Variants in ANKRD55 observed in about 807,000 individuals in gnomAD.
ANKRD55 encodes the protein ankyrin repeat domain 55.
ANKRD55 carries 41 observed loss-of-function variants against 60.6 expected under a neutral mutation model. The ratio of observed to expected loss-of-function variants is 0.68; its 90% CI spans 0.53 to 0.88. The LOEUF (loss-of-function observed/expected upper bound fraction) is 0.88. Ranked by LOEUF, ANKRD55 falls within the 40% of genes least tolerant of loss-of-function variation. The pLI is 0.00. For missense variants in ANKRD55, 732 were observed against 767.6 expected (o/e 0.95, Z 0.55); for synonymous variants, 264 against 290.3 (o/e 0.91, Z 0.92).
At chr5:56,231,639 C>A (rs1760254828) in intron 2 of ANKRD55, among the ~76,000 whole-genome samples, 1 of 149,272 alleles carries the variant, frequency 6.7e-6, no homozygotes, top group African/African-American at 2.5e-5. Context: ...TGAGCCGGCA[C>A]GTTCTGAAGG....
chr5:56,215,081 A>G (rs1450521146), intron 2 of ANKRD55, among the ~76,000 whole-genome samples: 7 of 152,070 alleles, frequency 4.6e-5, no homozygotes, highest in Non-Finnish European at 8.8e-5. Context: ...GGCTGAAAGA[A>G]TTCTTTTTTT....
At chr5:56,129,892 G>A (rs956782953) in intron 7 of ANKRD55, among the ~76,000 whole-genome samples, 5 of 152,198 alleles carry the variant, frequency 3.3e-5, no homozygotes, top group South Asian at 4.1e-4. Flanking sequence ...TTTGTGATGT[G>A]AGAAGATGAT....
chr5:56,177,791 C>T (rs867364887), intron 3 of ANKRD55, among the ~76,000 whole-genome samples: 3 of 151,906 alleles, frequency 2.0e-5, no homozygotes, highest in Middle Eastern at 3.4e-3. Flanking sequence ...AAAACACACA[C>T]ACAAAGAAAC....
chr5:56,162,643 C>T (rs181361623), intron 5 of ANKRD55, among the ~76,000 whole-genome samples: 47 of 150,412 alleles, frequency 3.1e-4, no homozygotes, highest in African/African-American at 1.1e-3. Context: ...GAACATCAAC[C>T]ATCATCTCTT....
intron 7 of ANKRD55, among the ~76,000 whole-genome samples, chr5:56,130,829 G>C (rs1027095003): frequency 2.0e-5 from 3 of 152,152 alleles, no homozygotes; most frequent in South Asian, 4.1e-4. Context: ...AAAAAACACT[G>C]TAATGGAAAT....
intron 6 of ANKRD55, among the ~76,000 whole-genome samples, chr5:56,155,171 T>C (rs1758161485): frequency 6.6e-6 from 1 of 150,872 alleles, no homozygotes; most frequent in African/African-American, 2.4e-5. Context: ...TGCAGTGGGC[T>C]GTGATCGTGT....
At position 56,166,158 on chromosome 5, in the gene ANKRD55, T is replaced by TTTCTATCTTCTTTCC. The variant is rs1554040812; in HGVS notation, c.422+4535_422+4536insGGAAAGAAGATAGAA. Among the ~76,000 whole-genome samples the TTTCTATCTTCTTTCC allele has an allele frequency of 6.9e-5, 5 of 72,436 alleles. No individual in the cohort carries two copies. The Admixed American group carries it at 7.4e-4, about 11-fold the overall frequency. The allele number at this position is 72,436 out of a possible 152,430, so 47.5% of individuals were successfully genotyped here. A position where few individuals can be genotyped will look rare whatever the true frequency, so the allele number is the denominator to read the frequency against. ...TCTTTCTTTCTTTCTTTCTTTCTTCTTTCCTTCCTTCCTTCCTTCCTTCCT... is the reference window on the plus strand; with the variant it reads ...TCTTTCTTTCTTTCTTTCTTTCTTCTTTCTATCTTCTTTCCTTCCTTCCTTCCTTCCTTCCTTCCT... On this transcript the variant is annotated intron_variant, in intron 5 of 11. Transcript: ENST00000341048.
intron 4 of ANKRD55, 109 bp downstream of exon 4, chr5:56,176,043 C>A: frequency 7.2e-7 from 1 of 1,397,508 alleles, no homozygotes; most frequent in South Asian, 1.3e-5. Flanking sequence ...GTTCCAGCTC[C>A]TTTAGCCAGC....
chr5:56,121,111 C>T (rs1001363343), intron 8 of ANKRD55, among the ~76,000 whole-genome samples: 2 of 151,956 alleles, frequency 1.3e-5, no homozygotes, highest in African/African-American at 4.8e-5. Flanking sequence ...CATCATCTGA[C>T]CTGAAGGGAT....
At chr5:56,140,545 T>G (rs986482617) in intron 7 of ANKRD55, among the ~76,000 whole-genome samples, 1 of 152,226 alleles carries the variant, frequency 6.6e-6, no homozygotes, top group African/African-American at 2.4e-5. Flanking sequence ...TTTTAATCTT[T>G]TTGCCTCCAA....
chr5:56,191,791 T>C (rs1759099536), intron 2 of ANKRD55, among the ~76,000 whole-genome samples: 1 of 152,184 alleles, frequency 6.6e-6, no homozygotes, highest in Admixed American at 6.5e-5. Flanking sequence ...CCCTGCGATG[T>C]ACACTAAACC....
chr5:56,223,217 G>T (rs975100518), intron 2 of ANKRD55, among the ~76,000 whole-genome samples: 27 of 151,922 alleles, frequency 1.8e-4, no homozygotes, highest in Non-Finnish European at 2.6e-4. Flanking sequence ...TTAAAGAAAA[G>T]AATTTTCAAC....
At chr5:56,128,113 C>A (rs1226708374) in intron 7 of ANKRD55, among the ~76,000 whole-genome samples, 2 of 152,090 alleles carry the variant, frequency 1.3e-5, no homozygotes. Context: ...TTTAGATAGT[C>A]AAGAGACACT....
chr5:56,151,408 T>C (rs1207505569), intron 6 of ANKRD55, among the ~76,000 whole-genome samples: 1 of 152,104 alleles, frequency 6.6e-6, no homozygotes, highest in Non-Finnish European at 1.5e-5. Context: ...GGAAATAAAT[T>C]GGATAGCTGA....
intron 2 of ANKRD55, among the ~76,000 whole-genome samples, chr5:56,190,394 T>G (rs888553161): frequency 5.4e-4 from 83 of 152,324 alleles, no homozygotes; most frequent in African/African-American, 1.9e-3. Flanking sequence ...CAAGAAATCA[T>G]TGCCAAATCC....
At chr5:56,226,400 A>T (rs1343116108) in intron 2 of ANKRD55, among the ~76,000 whole-genome samples, 1 of 152,214 alleles carries the variant, frequency 6.6e-6, no homozygotes. Context: ...CCTAGGCAAT[A>T]CCATTCAGGA....
At chr5:56,162,407 G>T (rs1758354419) in intron 5 of ANKRD55, among the ~76,000 whole-genome samples, 1 of 152,128 alleles carries the variant, frequency 6.6e-6, no homozygotes, top group African/African-American at 2.4e-5. Context: ...TTTGCCGATG[G>T]GGGAACTGGC....
rs71602938 is a variant in ANKRD55, at chr5:56,106,420, C to CTTT, written c.1631-3837_1631-3835dup. On this transcript the variant is annotated intron_variant, in intron 10 of 11. Coordinates refer to ENST00000341048, the MANE Select transcript of ANKRD55 (RefSeq NM_024669.3). ...AATAAAATCCGTAAGGCTAGGAAAGCTTTTTTTTTTTTTTTTTTTTTTTGA... is the reference window on the plus strand; with the variant it reads ...AATAAAATCCGTAAGGCTAGGAAAGCTTTTTTTTTTTTTTTTTTTTTTTTTTGA... Among the ~76,000 whole-genome samples, 251 of 96,892 alleles carry CTTT rather than the reference C, an allele frequency of 2.6e-3. 11 individuals carry two copies. The highest frequency in any genetic ancestry group is 5.3e-3 in the African/African-American group (90 of 17,130). The allele number at this position is 96,892 out of a possible 152,430, so 63.6% of individuals were successfully genotyped here. A position where few individuals can be genotyped will look rare whatever the true frequency, so the allele number is the denominator to read the frequency against.
Position 56,111,471 on chromosome 5 carries a change from CG to C in ANKRD55, c.1276del (p.Arg426ValfsTer22). The C allele has an allele frequency of 6.2e-7, 1 of 1,614,110 alleles. No individual in the cohort carries two copies. The highest frequency in any genetic ancestry group is 8.5e-7 in the Non-Finnish European group (1 of 1,180,018). On this transcript the variant is annotated frameshift_variant, in exon 10 of 12. Transcript: ENST00000341048. LOFTEE classifies it high-confidence loss of function. Reference protein sequence around the residue: ...YLLPEKKPLARKGLPPIRTQS... With the variant: ...YLLPEKKPLAXKGLPPIRTQS... ...CGTTCTGATTGGTGGAAGCCCCTTACGGGCCAGCGGTTTCTTTTCTGGTAAG... is the reference window on the plus strand; with the variant it reads ...CGTTCTGATTGGTGGAAGCCCCTTACGGCCAGCGGTTTCTTTTCTGGTAAG...
Sources: gnomAD v4.1 joint callset for allele counts (sites outside exome capture counted in the v4.1 genomes callset) on GRCh38, gnomAD v4.1.1 for gene constraint, MANE v1.5 for transcripts, NCBI Gene and HGNC (gene_info 2026-07-23, HGNC 2026-07-21) for gene names.